EFR3A: variants seen among roughly 807,000 people sequenced by gnomAD.
The protein encoded by EFR3A is EFR3 homolog A.
Under a neutral mutation model 104.4 loss-of-function variants are expected in EFR3A, and 76 were observed. That is an observed-to-expected ratio of 0.73 (90% CI 0.60 to 0.88). EFR3A has a LOEUF of 0.88. Among genes scored for constraint, EFR3A ranks in the 40% least tolerant of loss-of-function variants. The pLI, the probability that EFR3A is intolerant of heterozygous loss-of-function variation, is 0.00. For synonymous variants in EFR3A, 330 were observed against 330.0 expected (o/e 1.00, Z 0.00); for missense variants, 985 against 1,012.5 (o/e 0.97, Z 0.37).
intron 14 of EFR3A, among the ~76,000 whole-genome samples, chr8:131,982,748 T>C (rs1820678533): frequency 6.6e-6 from 1 of 152,122 alleles, no homozygotes; most frequent in Admixed American, 6.6e-5. Flanking sequence ...TTTAGAACCA[T>C]AGAATTCAAG....
At chr8:131,964,063 G>A (rs1450517508) in intron 8 of EFR3A, among the ~76,000 whole-genome samples, 6 of 152,144 alleles carry the variant, frequency 3.9e-5, no homozygotes, top group Non-Finnish European at 7.3e-5. Flanking sequence ...GTATTGATGG[G>A]ACGTATCTCA....
intron 10 of EFR3A, among the ~76,000 whole-genome samples, chr8:131,971,115 A>G (rs993164856): frequency 6.6e-6 from 1 of 152,232 alleles, no homozygotes; most frequent in Admixed American, 6.5e-5. Context: ...TAATATAACC[A>G]GAGTAAAATT....
chr8:131,994,249 G>GA (rs1037343597), intron 18 of EFR3A, among the ~76,000 whole-genome samples: 74 of 138,698 alleles, frequency 5.3e-4, no homozygotes, highest in South Asian at 1.4e-3. Context: ...GTCTCAGGAA[G>GA]AAAAAAAAAA....
At position 132,010,851 on chromosome 8, in the gene EFR3A, G is replaced by A. The variant is rs1319013744; in HGVS notation, c.2422G>A (p.Val808Ile). The A allele has an allele frequency of 6.2e-7, 1 of 1,612,522 alleles. No homozygotes were observed. The highest frequency in any genetic ancestry group is 1.7e-5 in the Admixed American group (1 of 59,870). ...TTCTGGGCATGCCCAATACCAATCT[G>A]TCCCAGTCTATGAGATGAAGTTTCC... Reference protein sequence around the residue: ...ITSGHAQYQSVPVYEMKFPDL... With the variant: ...ITSGHAQYQSIPVYEMKFPDL... The change falls in exon 23 of 23, where the codon GTC (valine) becomes ATC (isoleucine). Residue 808 changes from valine to isoleucine, a missense_variant. By Grantham distance (29) the Val-to-Ile change is conservative. Transcript: ENST00000254624.
intron 19 of EFR3A, among the ~76,000 whole-genome samples, chr8:131,997,846 T>C: frequency 6.6e-6 from 1 of 152,046 alleles, no homozygotes; most frequent in East Asian, 1.9e-4. Context: ...CTTTCAAAAA[T>C]ATATAGAGAA....
At chr8:131,996,926 T>C (rs1371292019) in intron 19 of EFR3A, among the ~76,000 whole-genome samples, 1 of 152,130 alleles carries the variant, frequency 6.6e-6, no homozygotes, top group Non-Finnish European at 1.5e-5. Context: ...AAATGCTGAC[T>C]ACCTTTGAAA....
intron 1 of EFR3A, among the ~76,000 whole-genome samples, chr8:131,925,616 A>C (rs749959397): frequency 2.6e-5 from 4 of 152,236 alleles, no homozygotes; most frequent in Admixed American, 6.5e-5. Context: ...TGAATGAGGA[A>C]GTTCTTAGTA....
In EFR3A at chr8:131,972,534, T is replaced by TA. The variant is rs1466992981; in HGVS notation, c.1159+1892dup. Among the ~76,000 whole-genome samples, 3 of 152,072 alleles carry TA rather than the reference T, an allele frequency of 2.0e-5. No individual in the cohort carries two copies. The East Asian group carries it at 5.8e-4, about 29-fold the overall frequency. On this transcript the variant is annotated intron_variant, in intron 10 of 22. Coordinates refer to ENST00000254624, the MANE Select transcript of EFR3A (RefSeq NM_015137.6). The stretch of plus-strand genomic sequence containing the variant: ...CCTTAAGAAAACAGCCATGAGAATT[T>TA]ACAATTTTGGAAATGAAATAATCTG...
chr8:132,002,624 A>G lies in EFR3A; in HGVS notation c.2228A>G (p.Gln743Arg). The change falls in exon 21 of 23, where the codon CAG becomes CGG. Residue 743 changes from glutamine to arginine, a missense_variant. Gln to Arg is a conservative substitution (Grantham distance 43). Transcript: ENST00000254624. ...ATAGATACCAGTGGAATGGAAGAACAGGAAAAGGAAAAGAGGCGTCTTGTG... is the reference window on the plus strand; with the variant it reads ...ATAGATACCAGTGGAATGGAAGAACGGGAAAAGGAAAAGAGGCGTCTTGTG... ...KAIDTSGMEE[Q>R]EKEKRRLVIE... The G allele has an allele frequency of 6.2e-7, 1 of 1,613,610 alleles. No homozygotes were observed.
intron 12 of EFR3A, among the ~76,000 whole-genome samples, chr8:131,978,201 C>G (rs1335745367): frequency 6.6e-6 from 1 of 152,042 alleles, no homozygotes; most frequent in East Asian, 1.9e-4. Flanking sequence ...AACAAATTCC[C>G]TAAGTAAATT....
intron 1 of EFR3A, among the ~76,000 whole-genome samples, chr8:131,921,448 G>A (rs182020609): frequency 1.1e-3 from 167 of 152,192 alleles, no homozygotes; most frequent in Admixed American, 3.5e-3. Flanking sequence ...ACTTTCTGAG[G>A]CACTGGAAAT....
intron 2 of EFR3A, 174 bp downstream of exon 2, chr8:131,940,749 G>A: frequency 8.9e-7 from 1 of 1,122,318 alleles, no homozygotes; most frequent in South Asian, 2.4e-5. Context: ...ATGCTTGCTT[G>A]TCTAGTTTTC....
At chr8:131,966,323 A>G (rs981820394) in intron 8 of EFR3A, among the ~76,000 whole-genome samples, 1 of 152,132 alleles carries the variant, frequency 6.6e-6, no homozygotes, top group East Asian at 1.9e-4. Flanking sequence ...ATTACGGTGA[A>G]CCTACCTCCT....
chr8:132,002,859 A>G (rs913421810), intron 21 of EFR3A, among the ~76,000 whole-genome samples, 153 bp downstream of exon 21: 4 of 152,234 alleles, frequency 2.6e-5, no homozygotes, highest in African/African-American at 7.2e-5. Flanking sequence ...AGGCATATCT[A>G]TGAGACCTAA....
chr8:132,004,691 A>G (rs1445322871), intron 22 of EFR3A, among the ~76,000 whole-genome samples: 1 of 152,224 alleles, frequency 6.6e-6, no homozygotes, highest in Non-Finnish European at 1.5e-5. Context: ...ATCTTATGCT[A>G]CATGGTTTAT....
intron 15 of EFR3A, among the ~76,000 whole-genome samples, 183 bp downstream of exon 15, chr8:131,984,483 A>G (rs778336283): frequency 4.6e-5 from 7 of 152,208 alleles, no homozygotes; most frequent in Non-Finnish European, 8.8e-5. Flanking sequence ...CATGAGCATC[A>G]ACTGGTGTGC....
Position 131,996,387 on chromosome 8 carries a change from GA to G in EFR3A, c.2066-15del. 6.7e-7 allele frequency: 1 copy of G among 1,487,426 alleles called. No individual in the cohort carries two copies. Among genetic ancestry groups the G allele is most frequent in the Non-Finnish European group, 9.2e-7 (1 of 1,091,420 alleles). The allele number at this position is 1,487,426 out of a possible 1,614,324, so 92.1% of individuals were successfully genotyped here. A position where few individuals can be genotyped will look rare whatever the true frequency, so the allele number is the denominator to read the frequency against. ...TAACATTTCTAGCAAATAATGGGAA[GA>G]AAACAATTTTATTTTAGATGAAGAT... On this transcript the variant is annotated intron_variant, in intron 18 of 22. Transcript: ENST00000254624.
chr8:131,930,494 GTC>G (rs2130496422), intron 1 of EFR3A, among the ~76,000 whole-genome samples: 1 of 115,366 alleles, frequency 8.7e-6, no homozygotes, highest in African/African-American at 2.9e-5. Flanking sequence ...AATTTCAAAG[GTC>G]TGGTCATGTT....
In EFR3A at chr8:131,904,123, T is replaced by A; in HGVS notation, c.-190T>A. On this transcript the variant is annotated 5_prime_UTR_variant, in exon 1 of 23. Transcript: ENST00000254624. Reference sequence around the variant, plus strand: ...TCGCGCCGCCCGGCGAGGAGTGGGCTGGCGGCGGTAGCTGTCGCCCGCTTG... The same window carrying A: ...TCGCGCCGCCCGGCGAGGAGTGGGCAGGCGGCGGTAGCTGTCGCCCGCTTG... The A allele has an allele frequency of 3.5e-6, 2 of 569,654 alleles. No individual in the cohort carries two copies. The highest frequency in any genetic ancestry group is 5.1e-6 in the Non-Finnish European group (2 of 388,440). 35.3% of individuals were successfully genotyped at this position (569,654 alleles called of 1,614,324 possible).
Sources: allele counts gnomAD v4.1 joint callset (sites outside exome capture counted in the v4.1 genomes callset), GRCh38; gene constraint gnomAD v4.1.1; transcripts MANE v1.5; gene names NCBI Gene and HGNC (gene_info 2026-07-23, HGNC 2026-07-21).